The following RETREG1 variants were observed in gnomAD, a reference collection of about 807,000 sequenced individuals.
RETREG1 encodes reticulophagy regulator 1, also known as family with sequence similarity 134 member B.
RETREG1 carries 44 observed loss-of-function variants against 54.8 expected under a neutral mutation model. That is an observed-to-expected ratio of 0.80 (90% confidence interval 0.63 to 1.03). RETREG1 has a LOEUF of 1.03. Ranked by LOEUF, RETREG1 falls within the 50% of genes least tolerant of loss-of-function variation. The pLI is 0.00. For missense variants in RETREG1, 554 were observed against 605.1 expected (o/e 0.92, Z 0.89); for synonymous variants, 217 against 238.5 (o/e 0.91, Z 0.83).
intron 3 of RETREG1, among the ~76,000 whole-genome samples, chr5:16,545,819 A>G (rs1051492669): frequency 5.9e-5 from 9 of 152,206 alleles, no homozygotes; most frequent in Non-Finnish European, 1.0e-4. Context: ...TGTTGTCAGC[A>G]CAGAAGCTTC....
At chr5:16,502,017 C>T (rs1432517850) in intron 3 of RETREG1, among the ~76,000 whole-genome samples, 6 of 143,272 alleles carry the variant, frequency 4.2e-5, no homozygotes, top group African/African-American at 1.0e-4. Flanking sequence ...AGTGTAGTGG[C>T]GTGATCTCGG....
Position 16,572,068 on chromosome 5 carries a change from G to C in RETREG1, c.355C>G (p.Leu119Val), listed in dbSNP as rs1467620688. 3.7e-6 allele frequency: 6 copies of C among 1,613,596 alleles called. No individual in the cohort carries two copies. Among genetic ancestry groups the C allele is most frequent in the African/African-American group, 1.3e-5 (1 of 74,860 alleles). Residue 119 changes from leucine (L) to valine (V), a missense_variant, in exon 2 of 9, where the codon CTG (leucine) becomes GTG (valine). By Grantham distance (32) the Leu-to-Val change is conservative. Coordinates refer to ENST00000306320, the MANE Select transcript of RETREG1 (RefSeq NM_001034850.3). ...CGCCCAAGTATCATGACGGAAATCA[G>C]GTGATATACTCTCCATGGAGTCAAT... ...LALTPWRVYHLISVMILGRVI... is the reference protein window; with the variant it reads ...LALTPWRVYHVISVMILGRVI...
intron 8 of RETREG1, 128 bp downstream of exon 8, chr5:16,477,534 A>G: frequency 2.2e-6 from 2 of 914,474 alleles, no homozygotes; most frequent in Non-Finnish European, 3.4e-6. Flanking sequence ...CTTCATTTTT[A>G]TAGCCAAGTA....
intron 3 of RETREG1, among the ~76,000 whole-genome samples, chr5:16,513,775 C>A (rs908942395): frequency 2.0e-5 from 3 of 152,188 alleles, no homozygotes; most frequent in Admixed American, 2.0e-4. Context: ...TTTCTCTGTT[C>A]GATGCTCCTT....
rs571527296 is a variant in RETREG1, at chr5:16,616,949, T to C, written c.23A>G (p.Glu8Gly). 65 of 1,447,942 alleles carry C rather than the reference T, an allele frequency of 4.5e-5. No homozygotes were observed. The highest frequency in any genetic ancestry group is 2.1e-4 in the African/African-American group (14 of 67,526). 89.7% of individuals were successfully genotyped at this position (1,447,942 alleles called of 1,614,324 possible). A position where few individuals can be genotyped will look rare whatever the true frequency, so the allele number is the denominator to read the frequency against. ...AGCCGGGCATCCCTCCTCGGCGTGCTCCGGAGGCGCCGGGCTCGCCATCTT... is the reference window on the plus strand; with the variant it reads ...AGCCGGGCATCCCTCCTCGGCGTGCCCCGGAGGCGCCGGGCTCGCCATCTT... MASPAPP[E>G]HAEEGCPAPA... Residue 8 changes from glutamate to glycine, a missense_variant, in exon 1 of 9, where the codon GAG (glutamate) becomes GGG (glycine). Coordinates refer to ENST00000306320, the MANE Select transcript of RETREG1 (RefSeq NM_001034850.3).
intron 1 of RETREG1, among the ~76,000 whole-genome samples, chr5:16,590,891 A>G (rs553829667): frequency 7.0e-6 from 1 of 143,264 alleles, no homozygotes; most frequent in East Asian, 2.0e-4. Context: ...ACACACGCAC[A>G]CACACATGCA....
In RETREG1 at chr5:16,483,429, T is replaced by C. The variant is rs2126520985; in HGVS notation, c.502A>G (p.Ser168Gly). ...NSKPDERPRL[S>G]HCIAESWMNF... ...ATCCATGATTCTGCAATACAGTGGC[T>C]GAGCCTGGGTCTTTCATCTGGTTTG... Residue 168 changes from serine to glycine, a missense_variant, in exon 4 of 9, where the codon AGC becomes GGC. Ser to Gly is a moderately conservative substitution (Grantham distance 56, BLOSUM62 0). Transcript: ENST00000306320. The C allele has an allele frequency of 6.2e-7, 1 of 1,613,372 alleles. No individual in the cohort carries two copies. The highest frequency in any genetic ancestry group is 1.3e-5 in the African/African-American group (1 of 75,008).
In RETREG1 at chr5:16,572,213, CT is replaced by C. The variant is rs11338270; in HGVS notation, c.321-112del. On this transcript the variant is annotated intron_variant, in intron 1 of 8. Coordinates refer to ENST00000306320, the MANE Select transcript of RETREG1 (RefSeq NM_001034850.3). ...AAAAAGGTATTCAATAATGATTTCA[CT>C]TTTTTTTTTTTTTTTTGAGACAGAG... 185,248 of 548,892 alleles carry C rather than the reference CT, an allele frequency of 0.34. 8,112 individuals are homozygous for C. Among genetic ancestry groups the C allele is most frequent in the Non-Finnish European group, 0.36 (112,361 of 310,042 alleles). The allele number at this position is 548,892 out of a possible 1,614,324, so 34.0% of individuals were successfully genotyped here.
At chr5:16,529,618 A>G (rs1033224080) in intron 3 of RETREG1, among the ~76,000 whole-genome samples, 4 of 152,138 alleles carry the variant, frequency 2.6e-5, no homozygotes, top group Non-Finnish European at 4.4e-5. Flanking sequence ...ATTTTATATG[A>G]TCACTGTCCC....
rs1254101135 is a variant in RETREG1, at chr5:16,561,708, A to G, written c.458+4055T>C. On this transcript the variant is annotated intron_variant, in intron 3 of 8. Transcript: ENST00000306320. The surrounding 1 kb of genome is among the most constrained non-coding windows in gnomAD (Gnocchi z 4.2). Reference sequence around the variant, plus strand: ...GTATGTCCTTCGGTTCTGCTGTGCTAATATTTTTTCCAAATCATCATTAAA... The same window carrying G: ...GTATGTCCTTCGGTTCTGCTGTGCTGATATTTTTTCCAAATCATCATTAAA... 1.3e-5 allele frequency among the ~76,000 whole-genome samples: 2 copies of G among 152,132 alleles called. No individual in the cohort carries two copies. The highest frequency in any genetic ancestry group is 2.9e-5 in the Non-Finnish European group (2 of 68,032).
chr5:16,499,956 T>C (rs1739633602), intron 3 of RETREG1, among the ~76,000 whole-genome samples: 1 of 152,222 alleles, frequency 6.6e-6, no homozygotes, highest in Non-Finnish European at 1.5e-5. Context: ...GCAACATCTT[T>C]TATACTCTCC....
intron 1 of RETREG1, among the ~76,000 whole-genome samples, chr5:16,572,630 T>C (rs1561125169): frequency 6.6e-6 from 1 of 152,338 alleles, no homozygotes; most frequent in South Asian, 2.1e-4. Context: ...CTTTCTGCTC[T>C]ACCCTCCAAT....
At chr5:16,578,969 C>CT (rs1262256730) in intron 1 of RETREG1, among the ~76,000 whole-genome samples, 2 of 152,292 alleles carry the variant, frequency 1.3e-5, no homozygotes, top group East Asian at 3.9e-4. Context: ...GGCATCTAAA[C>CT]TTTGACTTCG....
intron 3 of RETREG1, among the ~76,000 whole-genome samples, chr5:16,559,835 C>T (rs928261583): frequency 4.6e-5 from 7 of 152,118 alleles, no homozygotes; most frequent in Non-Finnish European, 8.8e-5. Context: ...CAGTTTCATG[C>T]AGAAAGGAAA....
intron 1 of RETREG1, among the ~76,000 whole-genome samples, chr5:16,583,457 C>T (rs572458122): frequency 2.0e-5 from 3 of 152,040 alleles, no homozygotes; most frequent in Non-Finnish European, 4.4e-5. Context: ...CACGCCAGTG[C>T]ACTCCAGCCT....
intron 1 of RETREG1, among the ~76,000 whole-genome samples, chr5:16,582,186 G>C (rs890554347): frequency 1.6e-4 from 25 of 152,236 alleles, no homozygotes; most frequent in African/African-American, 5.3e-4. Flanking sequence ...GTGTGGTTTA[G>C]CTACGATTGG....
chr5:16,515,107 T>C (rs772569480), intron 3 of RETREG1, among the ~76,000 whole-genome samples: 3 of 152,026 alleles, frequency 2.0e-5, no homozygotes, highest in Admixed American at 6.6e-5. Context: ...TCTTTTCCTC[T>C]GGGTAGACAC....
chr5:16,616,962 G>A lies in RETREG1; in HGVS notation c.10C>T (p.Pro4Ser), dbSNP rs1420598605. ...TCCTCGGCGTGCTCCGGAGGCGCCG[G>A]GCTCGCCATCTTCAGCTGTGCTTCC... MAS[P>S]APPEHAEEGC... Residue 4 changes from proline to serine, a missense_variant, in exon 1 of 9, where the codon CCG (proline) becomes TCG (serine). Physicochemically the swap from Pro to Ser is moderately conservative, Grantham distance 74 (BLOSUM62 -1). This residue lies in a region of RETREG1 where 175 missense variants were observed against 142.1 expected (regional missense o/e 1.23). Coordinates refer to ENST00000306320, the MANE Select transcript of RETREG1 (RefSeq NM_001034850.3). 38 of 1,432,050 alleles carry A rather than the reference G, an allele frequency of 2.7e-5. No homozygotes were observed. The highest frequency in any genetic ancestry group is 3.1e-5 in the Non-Finnish European group (34 of 1,095,316). 88.7% of individuals were successfully genotyped at this position (1,432,050 alleles called of 1,614,324 possible). A position where few individuals can be genotyped will look rare whatever the true frequency, so the allele number is the denominator to read the frequency against.
rs1211381617 is a variant in RETREG1, at chr5:16,585,473, G to A, written c.321-13371C>T. On this transcript the variant is annotated intron_variant, in intron 1 of 8. Coordinates refer to ENST00000306320, the MANE Select transcript of RETREG1 (RefSeq NM_001034850.3). This position sits in a 1 kb window ranked among gnomAD's most constrained non-coding sequence, Gnocchi z 4.5. ...GGGGCACCCTAGGGCAGTGCAATGT[G>A]CTCCTTAGCTCCACCTAGTGTATAA... Among the ~76,000 whole-genome samples, 1 of 152,104 alleles carries A rather than the reference G, an allele frequency of 6.6e-6. No individual in the cohort carries two copies. Among genetic ancestry groups the A allele is most frequent in the African/African-American group, 2.4e-5 (1 of 41,408 alleles).
Sources: gnomAD v4.1 joint callset for allele counts (sites outside exome capture counted in the v4.1 genomes callset) on GRCh38, gnomAD v4.1.1 for gene constraint, gnomAD v4.1.1 regional missense constraint, Gnocchi (gnomAD v3.1) non-coding constraint, MANE v1.5 for transcripts, NCBI Gene and HGNC (gene_info 2026-07-23, HGNC 2026-07-21) for gene names.